Variants in ARHGAP24 observed in about 807,000 individuals in gnomAD.
ARHGAP24 encodes the protein Rho GTPase activating protein 24.
A neutral mutation model predicts 76.4 loss-of-function variants in ARHGAP24; 50 were observed. The observed-to-expected ratio is 0.65, with a 90% CI of 0.52 to 0.83. ARHGAP24 has a LOEUF of 0.83. ARHGAP24 is among the 40% of genes least tolerant of loss of function. The pLI is 0.00. For synonymous variants in ARHGAP24, 345 were observed against 323.3 expected, an observed-to-expected ratio of 1.07 and a Z score of -0.72; for missense variants, 930 against 914.2, an observed-to-expected ratio of 1.02 and a Z score of -0.22.
chr4:85,523,389 T>C (rs1320311844), intron 1 of ARHGAP24, among the ~76,000 whole-genome samples: 1 of 152,160 alleles, frequency 6.6e-6, no homozygotes. Flanking sequence ...GAGCACCTCC[T>C]CATTGCCGTC....
intron 3 of ARHGAP24, among the ~76,000 whole-genome samples, chr4:85,771,590 A>G (rs1308197349): frequency 6.6e-6 from 1 of 152,328 alleles, no homozygotes; most frequent in African/African-American, 2.4e-5. Flanking sequence ...GCATCACTAG[A>G]CCCAGTCAAG....
At chr4:85,692,776 T>A (rs1166855545) in intron 2 of ARHGAP24, among the ~76,000 whole-genome samples, 1 of 152,236 alleles carries the variant, frequency 6.6e-6, no homozygotes, top group Non-Finnish European at 1.5e-5. Flanking sequence ...GATAGCTTCC[T>A]TGCCATCCAG....
intron 5 of ARHGAP24, among the ~76,000 whole-genome samples, chr4:85,947,348 T>C (rs757657588): frequency 5.3e-5 from 8 of 152,170 alleles, no homozygotes; most frequent in South Asian, 4.1e-4. Flanking sequence ...TAGGTCTCAT[T>C]TGTCAATTTT....
intron 1 of ARHGAP24, among the ~76,000 whole-genome samples, chr4:85,515,900 A>G (rs888373822): frequency 1.1e-4 from 17 of 152,304 alleles, no homozygotes; most frequent in African/African-American, 3.6e-4. Context: ...CCCCATCAAT[A>G]CGTAACAGTG....
chr4:85,807,103 A>G (rs1168265705), intron 3 of ARHGAP24, among the ~76,000 whole-genome samples: 1 of 152,082 alleles, frequency 6.6e-6, no homozygotes, highest in South Asian at 2.1e-4. Context: ...TTCTTTTTTA[A>G]TTAATTTTTT....
Position 85,733,060 on chromosome 4 carries a change from CTTTTT to C in ARHGAP24, c.268+11105_268+11109del, listed in dbSNP as rs1210109366. 1.4e-4 allele frequency among the ~76,000 whole-genome samples: 8 copies of C among 55,206 alleles called. 1 individual carries two copies. Among genetic ancestry groups the C allele is most frequent in the African/African-American group, 1.9e-4 (3 of 15,662 alleles). 36.2% of individuals were successfully genotyped at this position (55,206 alleles called of 152,430 possible). A position where few individuals can be genotyped will look rare whatever the true frequency, so the allele number is the denominator to read the frequency against. The stretch of plus-strand genomic sequence containing the variant: ...CTATAGATCTTATAGGCCTCACCAA[CTTTTT>C]TTTTTTTTTTTTTTTTGAGATGGAG... On this transcript the variant is annotated intron_variant, in intron 3 of 9. Transcript: ENST00000395184.
At chr4:85,726,813 A>T (rs1391343726) in intron 3 of ARHGAP24, among the ~76,000 whole-genome samples, 1 of 152,142 alleles carries the variant, frequency 6.6e-6, no homozygotes. Flanking sequence ...AAGCAATGTC[A>T]TTATCTTTAT....
intron 2 of ARHGAP24, among the ~76,000 whole-genome samples, chr4:85,647,987 A>T (rs756454309): frequency 3.9e-5 from 6 of 152,176 alleles, no homozygotes; most frequent in Non-Finnish European, 7.4e-5. Flanking sequence ...AGCAATCCTT[A>T]GAAAAATGGT....
intron 1 of ARHGAP24, among the ~76,000 whole-genome samples, chr4:85,484,542 C>T (rs1056226566): frequency 6.6e-6 from 1 of 152,072 alleles, no homozygotes; most frequent in Non-Finnish European, 1.5e-5. Flanking sequence ...GATTGTACGT[C>T]ATTACTTAAA....
chr4:85,949,858 G>A (rs1364694569), intron 5 of ARHGAP24, among the ~76,000 whole-genome samples: 1 of 152,190 alleles, frequency 6.6e-6, no homozygotes, highest in Non-Finnish European at 1.5e-5. Context: ...AATAATTTTG[G>A]AATGTTAACT....
intron 3 of ARHGAP24, among the ~76,000 whole-genome samples, chr4:85,773,971 T>A (rs1727219769): frequency 6.6e-6 from 1 of 152,242 alleles, no homozygotes; most frequent in Non-Finnish European, 1.5e-5. Context: ...CTTTTTGTTT[T>A]AATGACTTTG....
intron 2 of ARHGAP24, among the ~76,000 whole-genome samples, chr4:85,640,390 GC>G (rs1336690678): frequency 1.3e-5 from 2 of 152,054 alleles, no homozygotes; most frequent in Admixed American, 6.6e-5. Flanking sequence ...TCCCTATGTG[GC>G]CCCTTGTGGC....
intron 1 of ARHGAP24, among the ~76,000 whole-genome samples, chr4:85,525,437 C>T (rs796838142): frequency 2.6e-5 from 4 of 151,218 alleles, no homozygotes; most frequent in African/African-American, 9.7e-5. Context: ...GAGTTTAAAC[C>T]ATCATATTAA....
At chr4:85,624,090 A>C (rs1189856148) in intron 2 of ARHGAP24, among the ~76,000 whole-genome samples, 3 of 151,990 alleles carry the variant, frequency 2.0e-5, no homozygotes, top group Non-Finnish European at 2.9e-5. Context: ...CCTTCTCCTG[A>C]GTGATTGCCC....
At chr4:85,556,180 C>G (rs1483163893) in intron 1 of ARHGAP24, among the ~76,000 whole-genome samples, 1 of 152,018 alleles carries the variant, frequency 6.6e-6, no homozygotes, top group East Asian at 1.9e-4. Context: ...GCCTGAGCTT[C>G]TCTCTATATA....
chr4:85,505,725 A>G (rs1301102929), intron 1 of ARHGAP24, among the ~76,000 whole-genome samples: 2 of 152,030 alleles, frequency 1.3e-5, no homozygotes, highest in Non-Finnish European at 2.9e-5. Context: ...GTCTAGTTCT[A>G]TCAACTCGTC....
At chr4:85,770,455 T>A (rs188026881) in intron 3 of ARHGAP24, among the ~76,000 whole-genome samples, 5 of 152,266 alleles carry the variant, frequency 3.3e-5, no homozygotes, top group Admixed American at 6.5e-5. Context: ...TTCTTGGGAG[T>A]CTTAGAAATA....
intron 3 of ARHGAP24, among the ~76,000 whole-genome samples, chr4:85,795,261 G>A (rs1174570151): frequency 6.6e-6 from 1 of 152,118 alleles, no homozygotes; most frequent in Non-Finnish European, 1.5e-5. Context: ...AGAAAATACA[G>A]TAATAATCTA....
At chr4:85,722,660 T>A (rs1724997467) in intron 3 of ARHGAP24, 1 of 154,388 alleles carries the variant, frequency 6.5e-6, no homozygotes, top group South Asian at 2.0e-4. Context: ...CAGCAACAAT[T>A]CCTCCAAGGC....
Sources: gnomAD v4.1 joint callset for allele counts (sites outside exome capture counted in the v4.1 genomes callset) on GRCh38, gnomAD v4.1.1 for gene constraint, MANE v1.5 for transcripts, NCBI Gene and HGNC (gene_info 2026-07-23, HGNC 2026-07-21) for gene names.